The following ADAM12 variants were observed in gnomAD, a reference collection of about 807,000 sequenced individuals.
ADAM12 encodes the protein ADAM metallopeptidase domain 12.
ADAM12 carries 70 observed loss-of-function variants against 106.4 expected under a neutral mutation model. The observed-to-expected ratio is 0.66, with a 90% CI of 0.54 to 0.80. The LOEUF is 0.80. Ranked by LOEUF, ADAM12 falls within the 30% of genes least tolerant of loss-of-function variation. The pLI is 0.00. For synonymous variants in ADAM12, 420 were observed against 433.5 expected (o/e 0.97, Z 0.39); for missense variants, 1,010 against 1,171.9 (o/e 0.86, Z 2.02).
At position 126,066,324 on chromosome 10, in the gene ADAM12, C is replaced by T. The variant is rs760077603; in HGVS notation, c.1413+393G>A. 2.6e-5 allele frequency among the ~76,000 whole-genome samples: 4 copies of T among 152,146 alleles called. No individual in the cohort carries two copies. Among genetic ancestry groups the T allele is most frequent in the South Asian group, 2.1e-4 (1 of 4,826 alleles). On this transcript the variant is annotated intron_variant, in intron 13 of 22. Coordinates refer to ENST00000448723, the MANE Select transcript of ADAM12 (RefSeq NM_001288973.2). The surrounding 1 kb of genome is among the most constrained non-coding windows in gnomAD (Gnocchi z 5.1). ...GGACAAGCCAGCAGGCAGATGTCCG[C>T]GGGATCAAGAAGATGAACCTGGGGG...
intron 1 of ADAM12, among the ~76,000 whole-genome samples, chr10:126,354,808 G>GTT (rs767374540): frequency 2.5e-4 from 17 of 69,256 alleles, no homozygotes; most frequent in African/African-American, 4.7e-4. Context: ...GCTAAAGTTT[G>GTT]TTTTTTTTTT....
intron 1 of ADAM12, among the ~76,000 whole-genome samples, chr10:126,372,386 G>A (rs577272407): frequency 6.6e-6 from 1 of 152,174 alleles, no homozygotes; most frequent in Non-Finnish European, 1.5e-5. Flanking sequence ...GAGGTAGGCT[G>A]CATCCTTGCT....
At chr10:126,101,847 A>G (rs1053689482) in intron 8 of ADAM12, among the ~76,000 whole-genome samples, 1 of 152,204 alleles carries the variant, frequency 6.6e-6, no homozygotes. Context: ...CAGGAACATT[A>G]ATGACTATCC....
intron 4 of ADAM12, among the ~76,000 whole-genome samples, chr10:126,145,060 T>C (rs1189092951): frequency 6.6e-6 from 1 of 152,242 alleles, no homozygotes; most frequent in Non-Finnish European, 1.5e-5. Flanking sequence ...TCTGGGAACG[T>C]GGGTTTGCCC....
rs766710408 is a variant in ADAM12, at chr10:126,039,305, A to G, written c.2229T>C (p.Ile743=). 23 of 1,613,930 alleles carry G rather than the reference A, an allele frequency of 1.4e-5. No homozygotes were observed. The South Asian group carries it at 1.8e-4, about 12-fold the overall frequency. The change falls in exon 19 of 23, where the codon ATT becomes ATC. Residue 743 remains isoleucine, a synonymous_variant. Coordinates refer to ENST00000448723, the MANE Select transcript of ADAM12 (RefSeq NM_001288973.2). ...TAAACCCAGGGTACCTTAGTTTTTC[A>G]ATGGTGGTCTTCTTATTTGTAAACA... ...RLLFTNKKTT[I]EKLRCVRPSR... is the part of the protein sequence containing the mutation.
At chr10:126,078,317 A>G (rs928701752) in intron 11 of ADAM12, among the ~76,000 whole-genome samples, 7 of 152,182 alleles carry the variant, frequency 4.6e-5, no homozygotes, top group Admixed American at 4.6e-4. Flanking sequence ...CCCAATTCCA[A>G]TATGACCTGA....
intron 3 of ADAM12, among the ~76,000 whole-genome samples, chr10:126,175,201 G>A (rs541277370): frequency 1.3e-5 from 2 of 152,292 alleles, no homozygotes; most frequent in Admixed American, 6.5e-5. Flanking sequence ...ACGAGGAGGT[G>A]GTGTATTTAC....
intron 3 of ADAM12, among the ~76,000 whole-genome samples, chr10:126,228,299 T>A (rs1414762541): frequency 6.6e-6 from 1 of 152,218 alleles, no homozygotes; most frequent in African/African-American, 2.4e-5. Flanking sequence ...ATCCATAAAG[T>A]GCATCCTAAG....
chr10:126,017,350 AGAG>A lies in ADAM12; in HGVS notation c.2661-14_2661-12del. On this transcript the variant is annotated splice_polypyrimidine_tract_variant and intron_variant, in intron 22 of 22. Transcript: ENST00000448723. The stretch of plus-strand genomic sequence containing the variant: ...TATTGTGGAGCAGGTCTGAATGAAG[AGAG>A]GAGAAAAAAAAATGATCAGAGACCT... 4 of 1,569,616 alleles carry A rather than the reference AGAG, an allele frequency of 2.5e-6. No individual in the cohort carries two copies. Among genetic ancestry groups the A allele is most frequent in the Non-Finnish European group, 3.5e-6 (4 of 1,155,978 alleles).
At chr10:126,355,690 G>C (rs565839519) in intron 1 of ADAM12, among the ~76,000 whole-genome samples, 14 of 152,316 alleles carry the variant, frequency 9.2e-5, no homozygotes, top group Non-Finnish European at 1.8e-4. Flanking sequence ...AGCATTCTGA[G>C]ATGCTTCCCA....
At chr10:126,229,642 T>TC (rs796329534) in intron 3 of ADAM12, among the ~76,000 whole-genome samples, 16 of 103,566 alleles carry the variant, frequency 1.5e-4, no homozygotes, top group African/African-American at 6.2e-4. Context: ...CTCTTCCTCT[T>TC]CCCCCCCACT....
intron 2 of ADAM12, among the ~76,000 whole-genome samples, chr10:126,320,191 C>T (rs1055923981): frequency 1.3e-5 from 2 of 152,168 alleles, no homozygotes; most frequent in Non-Finnish European, 2.9e-5. Context: ...TTTAGGCAGG[C>T]GGTAACAAAA....
intron 2 of ADAM12, among the ~76,000 whole-genome samples, chr10:126,326,780 C>T (rs994372421): frequency 2.6e-5 from 4 of 152,112 alleles, no homozygotes; most frequent in African/African-American, 4.8e-5. Flanking sequence ...CTCCCTCTGT[C>T]GCTGTTTCCT....
At chr10:126,322,273 A>G (rs1314459854) in intron 2 of ADAM12, among the ~76,000 whole-genome samples, 1 of 152,188 alleles carries the variant, frequency 6.6e-6, no homozygotes. Flanking sequence ...GCTGCTGAAC[A>G]TATTTACTGT....
At chr10:126,296,047 T>C (rs1014272548) in intron 2 of ADAM12, among the ~76,000 whole-genome samples, 1 of 152,138 alleles carries the variant, frequency 6.6e-6, no homozygotes, top group African/African-American at 2.4e-5. Context: ...GGGCAGTAAC[T>C]GGAGAGAAGA....
intron 5 of ADAM12, among the ~76,000 whole-genome samples, chr10:126,131,191 G>A (rs1956299114): frequency 6.8e-6 from 1 of 147,954 alleles, no homozygotes; most frequent in Non-Finnish European, 1.5e-5. Flanking sequence ...CCCTGCCTCG[G>A]GGACCCTGGG....
intron 11 of ADAM12, among the ~76,000 whole-genome samples, chr10:126,089,462 A>C (rs1343127341): frequency 6.6e-6 from 1 of 152,172 alleles, no homozygotes; most frequent in Non-Finnish European, 1.5e-5. Flanking sequence ...GTTCTTCTAA[A>C]GGAAGCCTCC....
intron 2 of ADAM12, among the ~76,000 whole-genome samples, chr10:126,302,039 A>C (rs1960647264): frequency 6.6e-6 from 1 of 152,202 alleles, no homozygotes; most frequent in South Asian, 2.1e-4. Context: ...GGTCTTATCT[A>C]AAATTTCGAC....
Position 126,155,316 on chromosome 10 carries a change from A to G in ADAM12, c.261-11T>C, listed in dbSNP as rs1335094352. The stretch of plus-strand genomic sequence containing the variant: ...CTGGCAATGAGACCTCTGCGGAAAA[A>G]CAAAAACACCATAAAAAGATGAGTG... On this transcript the variant is annotated splice_polypyrimidine_tract_variant and intron_variant, in intron 3 of 22. Transcript: ENST00000448723. 1 of 1,611,544 alleles carries G rather than the reference A, an allele frequency of 6.2e-7. No homozygotes were observed. Among genetic ancestry groups the G allele is most frequent in the East Asian group, 2.2e-5 (1 of 44,872 alleles).
Sources: gnomAD v4.1 joint callset for allele counts (sites outside exome capture counted in the v4.1 genomes callset) on GRCh38, gnomAD v4.1.1 for gene constraint, Gnocchi (gnomAD v3.1) non-coding constraint, MANE v1.5 for transcripts, NCBI Gene and HGNC (gene_info 2026-07-23, HGNC 2026-07-21) for gene names.